ARAP2: variants seen among roughly 807,000 people sequenced by gnomAD.
ARAP2 encodes the protein arf-GAP with Rho-GAP domain, ANK repeat and PH domain-containing protein 2.
Under a neutral mutation model 194.5 loss-of-function variants are expected in ARAP2, and 148 were observed. The ratio of observed to expected loss-of-function variants is 0.76; its 90% CI spans 0.67 to 0.87. ARAP2 has a LOEUF of 0.87. Ranked by LOEUF, ARAP2 falls within the 40% of genes least tolerant of loss-of-function variation. The pLI is 0.00. For synonymous variants in ARAP2, 695 were observed against 683.5 expected, an observed-to-expected ratio of 1.02 and a Z score of -0.26; for missense variants, 2,128 against 1,989.7, an observed-to-expected ratio of 1.07 and a Z score of -1.32.
intron 2 of ARAP2, among the ~76,000 whole-genome samples, chr4:36,228,369 G>A (rs978281878): frequency 6.6e-6 from 1 of 152,120 alleles, no homozygotes; most frequent in Non-Finnish European, 1.5e-5. Flanking sequence ...CTTAAATAGG[G>A]AAAAGCTAAA....
chr4:36,226,923 C>A (rs951153074), intron 2 of ARAP2, among the ~76,000 whole-genome samples: 8 of 152,204 alleles, frequency 5.3e-5, no homozygotes, highest in Non-Finnish European at 2.9e-5. Context: ...TCTGGCATGT[C>A]AAAAGCATCT....
In ARAP2 at chr4:36,117,082, G is replaced by C. The variant is rs145812777; in HGVS notation, c.4017C>G (p.Pro1339=). Residue 1339 remains proline (P), a synonymous_variant, in exon 25 of 33, where the codon CCC becomes CCG. Coordinates refer to ENST00000303965, the MANE Select transcript of ARAP2 (RefSeq NM_015230.4). ...TTACCCGAATTATAATACTACAGTC[G>C]GGTTCCTTCCTTTCTACATATACTT... ...LIEVYVERKE[P]DCSIIIRISP... 7 of 1,597,648 alleles carry C rather than the reference G, an allele frequency of 4.4e-6. No individual in the cohort carries two copies. The South Asian group carries it at 5.6e-5, about 13-fold the overall frequency.
chr4:36,203,012 G>T (rs894072853), intron 6 of ARAP2, among the ~76,000 whole-genome samples: 10 of 152,164 alleles, frequency 6.6e-5, no homozygotes, highest in African/African-American at 2.4e-4. Context: ...ATGAAAGTGA[G>T]GGTGAGGTGC....
chr4:36,204,493 G>C (rs757828162), intron 6 of ARAP2, among the ~76,000 whole-genome samples: 83 of 152,170 alleles, frequency 5.5e-4, no homozygotes, highest in Non-Finnish European at 8.8e-4. Flanking sequence ...AAAAACACTA[G>C]AGAGAGGCAT....
At chr4:36,165,843 C>T (rs1223344180) in intron 10 of ARAP2, among the ~76,000 whole-genome samples, 1 of 152,138 alleles carries the variant, frequency 6.6e-6, no homozygotes, top group Non-Finnish European at 1.5e-5. Context: ...ACCCACAAAA[C>T]TGATTCATAT....
intron 21 of ARAP2, among the ~76,000 whole-genome samples, chr4:36,125,358 G>A (rs566774128): frequency 6.6e-6 from 1 of 151,904 alleles, no homozygotes; most frequent in East Asian, 2.0e-4. Context: ...TTTTAACTCT[G>A]GCTATGGAAA....
intron 25 of ARAP2, among the ~76,000 whole-genome samples, chr4:36,114,836 C>T (rs910576500): frequency 6.6e-6 from 1 of 151,970 alleles, no homozygotes; most frequent in Non-Finnish European, 1.5e-5. Flanking sequence ...GTCTGCAATG[C>T]CAACCTGGGG....
At chr4:36,243,482 G>GT (rs1477567892) in intron 1 of ARAP2, 5 of 149,218 alleles carry the variant, frequency 3.4e-5, no homozygotes, top group African/African-American at 1.2e-4. Flanking sequence ...ATTTTCTTGT[G>GT]TTTTCCTCTA....
intron 26 of ARAP2, among the ~76,000 whole-genome samples, chr4:36,111,341 A>G (rs1719936273): frequency 6.6e-6 from 1 of 151,886 alleles, no homozygotes; most frequent in African/African-American, 2.4e-5. Context: ...CATGTGGTAC[A>G]CACATGTTCC....
chr4:36,225,078 G>A (rs900846634), intron 2 of ARAP2, among the ~76,000 whole-genome samples: 4 of 152,062 alleles, frequency 2.6e-5, no homozygotes, highest in Admixed American at 2.6e-4. Context: ...GAGACTTCAG[G>A]TTTAGATTTC....
intron 27 of ARAP2, among the ~76,000 whole-genome samples, chr4:36,097,424 A>G (rs1351883330): frequency 6.6e-6 from 1 of 152,104 alleles, no homozygotes; most frequent in Non-Finnish European, 1.5e-5. Context: ...AGGCCAAAAT[A>G]AAGCTACACA....
intron 20 of ARAP2, among the ~76,000 whole-genome samples, chr4:36,129,946 C>G (rs953943861): frequency 2.0e-5 from 3 of 151,878 alleles, no homozygotes; most frequent in African/African-American, 7.2e-5. Flanking sequence ...CCACCATGTT[C>G]TTTATCTTGT....
chr4:36,054,463 G>A (rs1723170474), intron 2 of ARAP2, among the ~76,000 whole-genome samples: 3 of 152,214 alleles, frequency 2.0e-5, no homozygotes, highest in East Asian at 1.9e-4. Context: ...CTTATTAAAG[G>A]TGATTCAATG....
intron 5 of ARAP2, among the ~76,000 whole-genome samples, chr4:36,036,566 G>C (rs1719965800): frequency 6.6e-6 from 1 of 152,034 alleles, no homozygotes; most frequent in Admixed American, 6.6e-5. Flanking sequence ...AAGATAAAAA[G>C]TGTCACCTTA....
chr4:36,011,281 AG>A (rs1374050531), intron 9 of ARAP2, among the ~76,000 whole-genome samples: 1 of 152,150 alleles, frequency 6.6e-6, no homozygotes, highest in African/African-American at 2.4e-5. Flanking sequence ...AAGTCTTATA[AG>A]GGAACGTCTG....
chr4:36,014,755 C>T (rs1282464039), intron 8 of ARAP2, among the ~76,000 whole-genome samples: 1 of 152,106 alleles, frequency 6.6e-6, no homozygotes, highest in Non-Finnish European at 1.5e-5. Flanking sequence ...AGTGATGATA[C>T]TTGGAGGCAG....
At chr4:36,178,504 G>GT (rs1738492639) in intron 8 of ARAP2, among the ~76,000 whole-genome samples, 3 of 152,244 alleles carry the variant, frequency 2.0e-5, no homozygotes, top group Admixed American at 2.0e-4. Flanking sequence ...CTGCTTCAGT[G>GT]TCACTTACCC....
At chr4:36,151,594 T>C (rs1055999689) in intron 15 of ARAP2, among the ~76,000 whole-genome samples, 4 of 152,182 alleles carry the variant, frequency 2.6e-5, no homozygotes, top group African/African-American at 9.7e-5. Flanking sequence ...TTAGATATAA[T>C]GGATAAAGTC....
At chr4:36,200,240 T>C (rs1281037418) in intron 6 of ARAP2, among the ~76,000 whole-genome samples, 1 of 151,760 alleles carries the variant, frequency 6.6e-6, no homozygotes, top group Non-Finnish European at 1.5e-5. Flanking sequence ...ATTCCCTTTT[T>C]TTATTTTTGT....
Sources: allele counts gnomAD v4.1 joint callset (sites outside exome capture counted in the v4.1 genomes callset), GRCh38; gene constraint gnomAD v4.1.1; transcripts MANE v1.5; gene names NCBI Gene and HGNC (gene_info 2026-07-23, HGNC 2026-07-21).